The following TMPRSS4 variants were observed in gnomAD, a reference collection of about 807,000 sequenced individuals.
TMPRSS4 encodes the protein transmembrane serine protease 4.
TMPRSS4 carries 45 observed loss-of-function variants against 56.4 expected under a neutral mutation model. The ratio of observed to expected loss-of-function variants is 0.80; its 90% CI spans 0.63 to 1.02. The LOEUF (loss-of-function observed/expected upper bound fraction) is 1.02. TMPRSS4 is among the 50% of genes least tolerant of loss of function. The pLI is 0.00. For synonymous variants in TMPRSS4, 205 were observed against 211.0 expected, an observed-to-expected ratio of 0.97 and a Z score of 0.25; for missense variants, 546 against 556.7, an observed-to-expected ratio of 0.98 and a Z score of 0.19.
chr11:118,108,084 T>C (rs1004693902), intron 6 of TMPRSS4: 2 of 540,478 alleles, frequency 3.7e-6, no homozygotes, highest in African/African-American at 3.8e-5. Flanking sequence ...TTTAATACAA[T>C]GGACAGCTGG....
intron 1 of TMPRSS4, among the ~76,000 whole-genome samples, chr11:118,093,214 C>T (rs1946074760): frequency 6.6e-6 from 1 of 152,180 alleles, no homozygotes; most frequent in Non-Finnish European, 1.5e-5. Flanking sequence ...CCGTGCTTAG[C>T]CGTGGAGCAA....
intron 11 of TMPRSS4, 87 bp from the exon 12 acceptor site, chr11:118,117,218 C>G (rs948369610): frequency 3.7e-6 from 5 of 1,360,796 alleles, no homozygotes; most frequent in African/African-American, 2.9e-5. Context: ...TGCAGGGGAA[C>G]AGATAGGCCA....
chr11:118,107,671 C>A, intron 5 of TMPRSS4, 103 bp from the exon 6 acceptor site: 1 of 927,856 alleles, frequency 1.1e-6, no homozygotes, highest in Non-Finnish European at 1.7e-6. Context: ...CCCCACCAAG[C>A]ATTCTCTGCC....
intron 9 of TMPRSS4, 83 bp from the exon 10 acceptor site, chr11:118,114,746 A>C (rs1380131458): frequency 1.5e-6 from 2 of 1,378,210 alleles, no homozygotes; most frequent in East Asian, 5.0e-5. Context: ...CAAGATCCCC[A>C]TAATCATAAA....
chr11:118,086,209 A>G (rs898341705), intron 1 of TMPRSS4, among the ~76,000 whole-genome samples: 3 of 152,250 alleles, frequency 2.0e-5, no homozygotes, highest in Non-Finnish European at 4.4e-5. Flanking sequence ...ATCTGAACCT[A>G]AGAGCTATGC....
intron 5 of TMPRSS4, chr11:118,106,567 C>G (rs550814030): frequency 6.6e-6 from 1 of 152,090 alleles, no homozygotes; most frequent in Admixed American, 6.5e-5. Flanking sequence ...TTACTGCAAC[C>G]TCCACCTCCC....
intron 1 of TMPRSS4, among the ~76,000 whole-genome samples, chr11:118,083,819 GA>G (rs904205110): frequency 1.5e-4 from 23 of 152,212 alleles, no homozygotes; most frequent in African/African-American, 5.3e-4. Flanking sequence ...TTGGGAGGCC[GA>G]AAAGGGCAGA....
intron 11 of TMPRSS4, 87 bp from the exon 12 acceptor site, chr11:118,117,218 C>A: frequency 1.5e-6 from 2 of 1,360,910 alleles, no homozygotes; most frequent in Non-Finnish European, 2.1e-6. Context: ...TGCAGGGGAA[C>A]AGATAGGCCA....
At position 118,113,223 on chromosome 11, in the gene TMPRSS4, T is replaced by C. The variant is rs1408521983; in HGVS notation, c.744-46T>C. 1.9e-6 allele frequency: 3 copies of C among 1,560,122 alleles called. No individual in the cohort carries two copies. In the Admixed American group the frequency reaches 5.4e-5, roughly 28 times the overall value. ...TGGGGACCCAGCCTTTGGCAAAGTC[T>C]CCTCAGGCTTGGATCAGGCCTGAAC... is the stretch of plus-strand genomic sequence containing the variant. On this transcript the variant is annotated intron_variant, in intron 8 of 12. Coordinates refer to ENST00000437212, the MANE Select transcript of TMPRSS4 (RefSeq NM_019894.4).
At chr11:118,092,548 C>G (rs1009333089) in intron 1 of TMPRSS4, among the ~76,000 whole-genome samples, 1 of 152,236 alleles carries the variant, frequency 6.6e-6, no homozygotes, top group African/African-American at 2.4e-5. Flanking sequence ...CAAAATATCT[C>G]AAGCCCTGAT....
intron 7 of TMPRSS4, among the ~76,000 whole-genome samples, chr11:118,110,850 A>G (rs1947239326): frequency 6.6e-6 from 1 of 152,226 alleles, no homozygotes; most frequent in South Asian, 2.1e-4. Flanking sequence ...CTAACAGGCC[A>G]CGAACCAGTG....
At chr11:118,106,268 G>A (rs143660258) in intron 5 of TMPRSS4, 1 of 152,302 alleles carries the variant, frequency 6.6e-6, no homozygotes, top group African/African-American at 2.4e-5. Flanking sequence ...CCTGAGTCTT[G>A]TGCTTCACAA....
intron 1 of TMPRSS4, among the ~76,000 whole-genome samples, chr11:118,085,531 A>G (rs1457716458): frequency 3.9e-5 from 6 of 152,112 alleles, no homozygotes; most frequent in Non-Finnish European, 8.8e-5. Context: ...ACAACTCAGG[A>G]CAAGCAAAAG....
chr11:118,118,164 C>G lies in TMPRSS4; in HGVS notation c.*251C>G, dbSNP rs1372063652. 7.1e-7 allele frequency: 1 copy of G among 1,412,046 alleles called. No individual in the cohort carries two copies. Among genetic ancestry groups the G allele is most frequent in the African/African-American group, 1.4e-5 (1 of 68,970 alleles). 87.5% of individuals were successfully genotyped at this position (1,412,046 alleles called of 1,614,324 possible). On this transcript the variant is annotated 3_prime_UTR_variant, in exon 13 of 13. Coordinates refer to ENST00000437212, the MANE Select transcript of TMPRSS4 (RefSeq NM_019894.4). ...CCCAGCATCCCAGGGAGAGACACAGCCCACTGAACAAGGTCTCAGGGGTAT... is the reference window on the plus strand; with the variant it reads ...CCCAGCATCCCAGGGAGAGACACAGGCCACTGAACAAGGTCTCAGGGGTAT...
chr11:118,114,678 C>T, intron 9 of TMPRSS4, 151 bp from the exon 10 acceptor site: 1 of 836,168 alleles, frequency 1.2e-6, no homozygotes, highest in Admixed American at 2.5e-5. Context: ...AAGGCGTGCC[C>T]AAAGCCAAGT....
chr11:118,103,189 C>T lies in TMPRSS4; in HGVS notation c.246C>T (p.Asp82=). The T allele has an allele frequency of 6.2e-7, 1 of 1,614,256 alleles. No individual in the cohort carries two copies. Among genetic ancestry groups the T allele is most frequent in the Non-Finnish European group, 8.5e-7 (1 of 1,180,048 alleles). Residue 82 remains aspartate, a synonymous_variant, in exon 4 of 13, where the codon GAC becomes GAT. Coordinates refer to ENST00000437212, the MANE Select transcript of TMPRSS4 (RefSeq NM_019894.4). The part of the protein sequence containing the change: ...PRKQLCDGEL[D]CPLGEDEEHC... Reference sequence around the variant, plus strand: ...AGCAGCTGTGTGACGGAGAGCTGGACTGTCCCTTGGGGGAGGACGAGGAGC... The same window carrying T: ...AGCAGCTGTGTGACGGAGAGCTGGATTGTCCCTTGGGGGAGGACGAGGAGC...
rs779403118 is a variant in TMPRSS4, at chr11:118,103,392, G to GT, written c.310+141dup. 316 of 1,154,334 alleles carry GT rather than the reference G, an allele frequency of 2.7e-4. 1 individual carries two copies. Among genetic ancestry groups the GT allele is most frequent in the South Asian group, 3.3e-4 (19 of 57,560 alleles). 71.5% of individuals were successfully genotyped at this position (1,154,334 alleles called of 1,614,324 possible). On this transcript the variant is annotated intron_variant, in intron 4 of 12. Coordinates refer to ENST00000437212, the MANE Select transcript of TMPRSS4 (RefSeq NM_019894.4). Reference sequence around the variant, plus strand: ...TATAAGGTTCTTTGTTTGTTTGTTTGTTGTTGTTTTGAGGCAGAGTGCTCT... The same window carrying GT: ...TATAAGGTTCTTTGTTTGTTTGTTTGTTTGTTGTTTTGAGGCAGAGTGCTCT...
In TMPRSS4 at chr11:118,115,203, G is replaced by A. The variant is rs769335341; in HGVS notation, c.1075G>A (p.Asp359Asn). The change falls in exon 11 of 13, where the codon GAC becomes AAC. Residue 359 changes from aspartate (D) to asparagine (N), a missense_variant. Physicochemically the swap from Asp to Asn is conservative, Grantham distance 23 (BLOSUM62 1). Transcript: ENST00000437212. ...QVIDSTRCNADDAYQGEVTEK... is the reference protein window; with the variant it reads ...QVIDSTRCNANDAYQGEVTEK... ...CATTGACAGCACACGGTGCAATGCA[G>A]ACGATGCGTACCAGGGGGAAGTCAC... is the stretch of plus-strand genomic sequence containing the variant. 3 of 1,613,002 alleles carry A rather than the reference G, an allele frequency of 1.9e-6. No individual in the cohort carries two copies. The highest frequency in any genetic ancestry group is 1.1e-5 in the South Asian group (1 of 90,310).
rs1438433665 is a variant in TMPRSS4, at chr11:118,118,424, A to G, written c.*511A>G. ...TGTCATTGTTATTACAGCTATGGCC[A>G]CTATTATTAAAGAGCTGTGTAACAT... On this transcript the variant is annotated 3_prime_UTR_variant, in exon 13 of 13. Coordinates refer to ENST00000437212, the MANE Select transcript of TMPRSS4 (RefSeq NM_019894.4). 2.0e-6 allele frequency: 2 copies of G among 989,446 alleles called. No individual in the cohort carries two copies. The highest frequency in any genetic ancestry group is 1.1e-4 in the East Asian group (1 of 8,942). The allele number at this position is 989,446 out of a possible 1,614,324, so 61.3% of individuals were successfully genotyped here.
Sources: allele counts gnomAD v4.1 joint callset (sites outside exome capture counted in the v4.1 genomes callset), GRCh38; gene constraint gnomAD v4.1.1; transcripts MANE v1.5; gene names NCBI Gene and HGNC (gene_info 2026-07-23, HGNC 2026-07-21).